ASCC1: variants seen among roughly 807,000 people sequenced by gnomAD.
ASCC1 encodes activating signal cointegrator 1 complex subunit 1, also known as ASC-1 complex subunit P50.
A neutral mutation model predicts 46.6 loss-of-function variants in ASCC1; 35 were observed. The ratio of observed to expected loss-of-function variants is 0.75; its 90% CI spans 0.57 to 0.99. The LOEUF (loss-of-function observed/expected upper bound fraction) is 0.99. ASCC1 is among the 50% of genes least tolerant of loss of function. The pLI is 0.00. For missense variants in ASCC1, 376 were observed against 428.7 expected (o/e 0.88, Z 1.09); for synonymous variants, 143 against 146.6 (o/e 0.98, Z 0.18).
At chr10:72,105,765 T>C (rs747381326) in intron 9 of ASCC1, among the ~76,000 whole-genome samples, 2 of 152,130 alleles carry the variant, frequency 1.3e-5, no homozygotes, top group Non-Finnish European at 2.9e-5. Flanking sequence ...AGAAAACAAA[T>C]AGCAAGATTT....
chr10:72,197,807 G>A (rs1340035815), intron 4 of ASCC1, among the ~76,000 whole-genome samples: 1 of 150,602 alleles, frequency 6.6e-6, no homozygotes, highest in Non-Finnish European at 1.5e-5. Flanking sequence ...TTGGGAAGCT[G>A]AGGCACAACA....
chr10:72,167,729 T>C (rs1304369975), intron 5 of ASCC1, among the ~76,000 whole-genome samples: 1 of 151,590 alleles, frequency 6.6e-6, no homozygotes, highest in Non-Finnish European at 1.5e-5. Context: ...CTCAAACTCC[T>C]GGCCTCAAGC....
chr10:72,216,599 T>G (rs1179178186), upstream of ASCC1, among the ~76,000 whole-genome samples: 3 of 151,924 alleles, frequency 2.0e-5, no homozygotes, highest in African/African-American at 7.3e-5. Context: ...ATAATTTGCC[T>G]TTGTACTAGG....
intron 5 of ASCC1, among the ~76,000 whole-genome samples, chr10:72,175,791 T>C (rs1851789121): frequency 6.6e-6 from 1 of 152,218 alleles, no homozygotes; most frequent in Admixed American, 6.5e-5. Context: ...AACTTCACTA[T>C]TCCTCCATAG....
intron 1 of ASCC1, among the ~76,000 whole-genome samples, chr10:72,215,178 C>T (rs1190563479): frequency 6.6e-6 from 1 of 152,078 alleles, no homozygotes; most frequent in Non-Finnish European, 1.5e-5. Context: ...CGAGGCGGAT[C>T]ATCTGAGGCC....
chr10:72,187,204 A>G (rs2133112992), intron 5 of ASCC1, among the ~76,000 whole-genome samples: 1 of 152,340 alleles, frequency 6.6e-6, no homozygotes, highest in East Asian at 1.9e-4. Context: ...TTAAGGAGAA[A>G]AATGATTTTC....
chr10:72,187,028 T>G (rs1030183780), intron 5 of ASCC1, among the ~76,000 whole-genome samples: 28 of 150,470 alleles, frequency 1.9e-4, no homozygotes, highest in African/African-American at 6.3e-4. Flanking sequence ...AAAGAATATA[T>G]ACAATGACTG....
chr10:72,190,091 C>G, intron 5 of ASCC1: 1 of 758,896 alleles, frequency 1.3e-6, no homozygotes, highest in Non-Finnish European at 2.4e-6. Flanking sequence ...AGCGCAGCAA[C>G]TGGGCTGCAA....
intron 7 of ASCC1, among the ~76,000 whole-genome samples, chr10:72,142,024 T>C (rs931325884): frequency 6.6e-5 from 10 of 152,226 alleles, no homozygotes; most frequent in African/African-American, 2.4e-4. Flanking sequence ...GTGTTTAATA[T>C]TAATGATAAA....
chr10:72,112,819 C>T (rs1843066083), intron 9 of ASCC1, among the ~76,000 whole-genome samples: 1 of 136,396 alleles, frequency 7.3e-6, no homozygotes, highest in African/African-American at 2.8e-5. Context: ...GTGGAGGCTG[C>T]AGTGAGCCGA....
intron 5 of ASCC1, among the ~76,000 whole-genome samples, chr10:72,181,683 A>G (rs1248750846): frequency 2.6e-5 from 4 of 151,866 alleles, no homozygotes; most frequent in Non-Finnish European, 5.9e-5. Context: ...TTGTGCACCA[A>G]TATCAAGTGA....
At chr10:72,126,348 GTATT>G (rs1844859831) in intron 9 of ASCC1, among the ~76,000 whole-genome samples, 1 of 152,138 alleles carries the variant, frequency 6.6e-6, no homozygotes, top group African/African-American at 2.4e-5. Context: ...ATTAATAAGG[GTATT>G]ACTGATATAG....
chr10:72,175,931 A>T (rs915268455), intron 5 of ASCC1, among the ~76,000 whole-genome samples: 3 of 150,988 alleles, frequency 2.0e-5, no homozygotes, highest in African/African-American at 4.9e-5. Context: ...TCTTAATGCC[A>T]CTCCTTCCTT....
At chr10:72,210,126 C>G (rs1857837290) in intron 3 of ASCC1, among the ~76,000 whole-genome samples, 1 of 149,940 alleles carries the variant, frequency 6.7e-6, no homozygotes. Context: ...CTTGTACTGT[C>G]TGTAGAGTCA....
intron 2 of ASCC1, 38 bp from the exon 3 acceptor site, chr10:72,210,869 T>C (rs1204958226): frequency 3.1e-6 from 5 of 1,598,862 alleles, no homozygotes; most frequent in Non-Finnish European, 4.3e-6. Flanking sequence ...AGAAACAATG[T>C]TGCTCTGTGG....
chr10:72,169,581 T>C (rs1285432002), intron 5 of ASCC1, among the ~76,000 whole-genome samples: 1 of 152,110 alleles, frequency 6.6e-6, no homozygotes, highest in African/African-American at 2.4e-5. Context: ...ACAATGATAT[T>C]GGTCACCCAC....
At chr10:72,191,708 G>A (rs1204264851) in intron 5 of ASCC1, among the ~76,000 whole-genome samples, 3 of 151,834 alleles carry the variant, frequency 2.0e-5, no homozygotes, top group Non-Finnish European at 2.9e-5. Flanking sequence ...GTACAATGGC[G>A]TGATCTCGGC....
rs939490500 is a variant in ASCC1 at position 72,097,416 on chromosome 10, A to G, written c.992T>C (p.Leu331Pro). Residue 331 changes from leucine (L) to proline (P), a missense_variant, in exon 10 of 10, where the codon CTG becomes CCG. Coordinates refer to ENST00000672957, the MANE Select transcript of ASCC1 (RefSeq NM_001198800.3). ...FENFYFGSLKLNSIHISQRFT... is the reference protein window; with the variant it reads ...FENFYFGSLKPNSIHISQRFT... ...CCTCTGAGAGATGTGAATTGAATTC[A>G]GCTTTAGGGAGCCAAAGTAGAAGTT... 1 of 1,613,656 alleles carries G rather than the reference A, an allele frequency of 6.2e-7. No individual in the cohort carries two copies. The highest frequency in any genetic ancestry group is 1.3e-5 in the African/African-American group (1 of 75,064).
chr10:72,188,146 A>T (rs1356104596), intron 5 of ASCC1, among the ~76,000 whole-genome samples: 2 of 130,502 alleles, frequency 1.5e-5, no homozygotes, highest in Non-Finnish European at 3.2e-5. Context: ...TTTTTTTGAG[A>T]CAGTCTCGCT....
Sources: gnomAD v4.1 joint callset for allele counts (sites outside exome capture counted in the v4.1 genomes callset) on GRCh38, gnomAD v4.1.1 for gene constraint, MANE v1.5 for transcripts, NCBI Gene and HGNC (gene_info 2026-07-23, HGNC 2026-07-21) for gene names.